DAP: variants seen among roughly 807,000 people sequenced by gnomAD.
DAP encodes the protein death associated protein, also known as death-associated protein 1.
In DAP, 8 loss-of-function variants were observed where a neutral mutation model predicts 13.8. The ratio of observed to expected loss-of-function variants is 0.58; its 90% CI spans 0.34 to 1.05. The LOEUF (loss-of-function observed/expected upper bound fraction) is 1.05, where lower values mean the gene tolerates loss of function less well. DAP is among the 50% of genes least tolerant of loss of function. The pLI, the probability that DAP is intolerant of heterozygous loss-of-function variation, is 0.03. For missense variants in DAP, 106 were observed against 133.2 expected (o/e 0.80, Z 1.01); for synonymous variants, 47 against 47.5 (o/e 0.99, Z 0.04).
chr5:10,729,851 G>C (rs941992345), intron 2 of DAP, among the ~76,000 whole-genome samples: 3 of 152,220 alleles, frequency 2.0e-5, no homozygotes, highest in African/African-American at 7.2e-5. Context: ...TCCAGGAACT[G>C]CCAGAGCCTG....
chr5:10,742,524 T>C (rs963128921), intron 2 of DAP, among the ~76,000 whole-genome samples: 1 of 152,148 alleles, frequency 6.6e-6, no homozygotes, highest in African/African-American at 2.4e-5. Flanking sequence ...TGAAACTCCA[T>C]CTCAAAAACA....
At chr5:10,702,334 A>G (rs1263112777) in intron 2 of DAP, among the ~76,000 whole-genome samples, 1 of 152,306 alleles carries the variant, frequency 6.6e-6, no homozygotes, top group South Asian at 2.1e-4. Flanking sequence ...TTTCTTAGGA[A>G]TGAGTAACTC....
intron 2 of DAP, among the ~76,000 whole-genome samples, chr5:10,705,830 T>C (rs186887420): frequency 1.2e-4 from 19 of 152,324 alleles, no homozygotes; most frequent in Non-Finnish European, 2.4e-4. Flanking sequence ...ATGAAATCCT[T>C]GGTTAGGTGG....
chr5:10,688,215 C>T (rs1738205427), intron 2 of DAP, among the ~76,000 whole-genome samples: 1 of 152,046 alleles, frequency 6.6e-6, no homozygotes, highest in Non-Finnish European at 1.5e-5. Context: ...CACACCTGGC[C>T]TGTTGTCTTA....
intron 2 of DAP, among the ~76,000 whole-genome samples, chr5:10,704,129 C>T (rs529092653): frequency 2.5e-4 from 38 of 152,228 alleles, no homozygotes; most frequent in South Asian, 2.1e-3. Context: ...TACCTGGAGC[C>T]CTTGGGGCTA....
chr5:10,740,045 T>A (rs889906724), intron 2 of DAP, among the ~76,000 whole-genome samples: 2 of 152,162 alleles, frequency 1.3e-5, no homozygotes, highest in Admixed American at 6.5e-5. Context: ...CAGATGAAGA[T>A]TTAAAATAAC....
chr5:10,752,343 A>T (rs1740066757), intron 1 of DAP, among the ~76,000 whole-genome samples: 1 of 152,272 alleles, frequency 6.6e-6, no homozygotes, highest in African/African-American at 2.4e-5. Flanking sequence ...AACTTACAAT[A>T]CTGCCAAAAA....
At chr5:10,748,126 G>A (rs377600858) in intron 2 of DAP, 49 bp downstream of exon 2, 32 of 1,302,312 alleles carry the variant, frequency 2.5e-5, no homozygotes, top group East Asian at 1.1e-4. Context: ...ATGCTTAACC[G>A]AATAGGGTTT....
intron 1 of DAP, among the ~76,000 whole-genome samples, chr5:10,748,661 CG>C (rs1739972265): frequency 5.9e-5 from 9 of 152,182 alleles, no homozygotes; most frequent in Admixed American, 5.2e-4. Context: ...TCTCAAATAT[CG>C]AAGATGTTTT....
intron 2 of DAP, among the ~76,000 whole-genome samples, chr5:10,689,512 G>GAGTC (rs1174649562): frequency 2.0e-5 from 3 of 152,202 alleles, no homozygotes; most frequent in African/African-American, 7.2e-5. Context: ...CCTTTGTGCT[G>GAGTC]AGTCATGACT....
intron 2 of DAP, among the ~76,000 whole-genome samples, chr5:10,688,963 C>T (rs1738227761): frequency 6.6e-6 from 1 of 152,170 alleles, no homozygotes; most frequent in South Asian, 2.1e-4. Context: ...AGCACTGGTC[C>T]CCTGTGTGCA....
intron 2 of DAP, among the ~76,000 whole-genome samples, chr5:10,684,512 C>T (rs1170853906): frequency 1.3e-5 from 2 of 152,184 alleles, no homozygotes; most frequent in South Asian, 2.1e-4. Flanking sequence ...AGGCTCAAAT[C>T]GCCAGCAGGT....
chr5:10,710,798 A>C (rs1738828985), intron 2 of DAP, among the ~76,000 whole-genome samples: 1 of 152,206 alleles, frequency 6.6e-6, no homozygotes, highest in South Asian at 2.1e-4. Flanking sequence ...GTCAGTGAGA[A>C]GCAGGTATGA....
chr5:10,755,950 C>A (rs1740172309), intron 1 of DAP, among the ~76,000 whole-genome samples: 1 of 152,168 alleles, frequency 6.6e-6, no homozygotes, highest in Admixed American at 6.5e-5. Flanking sequence ...GAGTTTGAGA[C>A]CTGACTGGAC....
At chr5:10,687,846 T>C (rs1738193494) in intron 2 of DAP, among the ~76,000 whole-genome samples, 1 of 151,740 alleles carries the variant, frequency 6.6e-6, no homozygotes, top group African/African-American at 2.4e-5. Flanking sequence ...TGCAGAGAAA[T>C]CTTTCTTTCC....
At chr5:10,684,876 G>A (rs1050908417) in intron 2 of DAP, among the ~76,000 whole-genome samples, 2 of 152,090 alleles carry the variant, frequency 1.3e-5, no homozygotes, top group Non-Finnish European at 2.9e-5. Context: ...GCGATCGATC[G>A]GGGACACTCA....
At chr5:10,741,368 C>T (rs541523920) in intron 2 of DAP, among the ~76,000 whole-genome samples, 6 of 152,112 alleles carry the variant, frequency 3.9e-5, no homozygotes, top group East Asian at 1.9e-4. Flanking sequence ...AAAGCAGGTG[C>T]GGTGGGGGGC....
chr5:10,748,509 C>G (rs1209216155), intron 1 of DAP, among the ~76,000 whole-genome samples: 2 of 152,228 alleles, frequency 1.3e-5, no homozygotes, highest in Non-Finnish European at 2.9e-5. Context: ...TCTTGTTTTT[C>G]TATCTGGTCA....
At chr5:10,746,486 C>T (rs1424851115) in intron 2 of DAP, among the ~76,000 whole-genome samples, 1 of 152,090 alleles carries the variant, frequency 6.6e-6, no homozygotes, top group Admixed American at 6.5e-5. Flanking sequence ...CATGCCACCA[C>T]ACCTGACTGA....
Sources: allele counts gnomAD v4.1 joint callset (sites outside exome capture counted in the v4.1 genomes callset), GRCh38; gene constraint gnomAD v4.1.1; transcripts MANE v1.5; gene names NCBI Gene and HGNC (gene_info 2026-07-23, HGNC 2026-07-21).